Variants in BBS9 observed in about 807,000 individuals in gnomAD.
BBS9 encodes the protein Bardet-Biedl syndrome 9.
Under a neutral mutation model 117.7 loss-of-function variants are expected in BBS9, and 89 were observed. The observed-to-expected ratio is 0.76, with a 90% CI of 0.64 to 0.90. The LOEUF (loss-of-function observed/expected upper bound fraction) is 0.90, where lower values mean the gene tolerates loss of function less well. BBS9 is among the 40% of genes least tolerant of loss of function. The pLI is 0.00. For synonymous variants in BBS9, 379 were observed against 370.9 expected, an observed-to-expected ratio of 1.02 and a Z score of -0.25; for missense variants, 982 against 1,042.2, an observed-to-expected ratio of 0.94 and a Z score of 0.80.
At chr7:33,446,239 T>C (rs1324238569) in intron 19 of BBS9, among the ~76,000 whole-genome samples, 1 of 152,138 alleles carries the variant, frequency 6.6e-6, no homozygotes, top group African/African-American at 2.4e-5. Flanking sequence ...AAAAATTCAG[T>C]CTTTGAGAGC....
chr7:33,587,513 G>A (rs1438602275), intron 21 of BBS9, among the ~76,000 whole-genome samples: 1 of 152,050 alleles, frequency 6.6e-6, no homozygotes, highest in African/African-American at 2.4e-5. Flanking sequence ...TAAAAGCTTG[G>A]TTTGAAAAAG....
chr7:33,269,095 C>G (rs1056709454), intron 7 of BBS9, among the ~76,000 whole-genome samples: 2 of 152,178 alleles, frequency 1.3e-5, no homozygotes, highest in African/African-American at 2.4e-5. Context: ...ACAGATTGAT[C>G]TTATACATAT....
In BBS9 at chr7:33,248,009, T is replaced by C. The variant is rs147664639; in HGVS notation, c.443-9227T>C. ...GTGATAAATAGCTTGACAGAACACC[T>C]AGTAATGGTCTTTGTGAGGCAATTA... On this transcript the variant is annotated intron_variant, in intron 5 of 22. Coordinates refer to ENST00000242067, the MANE Select transcript of BBS9 (RefSeq NM_198428.3). Among the ~76,000 whole-genome samples, 272 of 152,308 alleles carry C rather than the reference T, an allele frequency of 1.8e-3. 1 individual carries two copies. The highest frequency in any genetic ancestry group is 3.5e-3 in the South Asian group (17 of 4,832).
chr7:33,608,876 T>C, downstream of BBS9, among the ~76,000 whole-genome samples: 1 of 125,054 alleles, frequency 8.0e-6, no homozygotes, highest in Non-Finnish European at 1.6e-5. Context: ...GTCCTACTTA[T>C]CAATTTTTGT....
chr7:33,385,255 A>T (rs1054824783), intron 18 of BBS9, among the ~76,000 whole-genome samples: 5 of 152,032 alleles, frequency 3.3e-5, no homozygotes, highest in Non-Finnish European at 2.9e-5. Context: ...CTGAGGAGGG[A>T]CTTAGAGAAT....
rs1439435112 is a variant in BBS9, at chr7:33,365,531, T to C, written c.1694-2236T>C. 2.0e-5 allele frequency among the ~76,000 whole-genome samples: 3 copies of C among 152,190 alleles called. No individual in the cohort carries two copies. The East Asian group carries it at 5.8e-4, about 29-fold the overall frequency. On this transcript the variant is annotated intron_variant, in intron 16 of 22. Coordinates refer to ENST00000242067, the MANE Select transcript of BBS9 (RefSeq NM_198428.3). ...TGGGATCTTTAATGGCAGTGGATGC[T>C]AGGGTACTCCCAATCTCTTTTTCTC...
intron 9 of BBS9, among the ~76,000 whole-genome samples, chr7:33,312,753 GTTC>G (rs545347931): frequency 1.1e-4 from 16 of 152,134 alleles, no homozygotes; most frequent in Middle Eastern, 6.8e-3. Flanking sequence ...AATTATACTT[GTTC>G]TTCTGGGTTC....
intron 5 of BBS9, among the ~76,000 whole-genome samples, chr7:33,191,511 C>A (rs1784113657): frequency 6.6e-6 from 1 of 152,148 alleles, no homozygotes; most frequent in South Asian, 2.1e-4. Flanking sequence ...TGTGGTACTA[C>A]CTTAGAACTG....
intron 4 of BBS9, among the ~76,000 whole-genome samples, chr7:33,169,275 GT>G (rs1231593650): frequency 1.3e-5 from 2 of 150,616 alleles, no homozygotes; most frequent in African/African-American, 4.9e-5. Context: ...AAACATACGT[GT>G]GCATGTGTCT....
At chr7:33,163,847 C>G (rs183649781) in intron 4 of BBS9, among the ~76,000 whole-genome samples, 265 of 152,170 alleles carry the variant, frequency 1.7e-3, no homozygotes, top group African/African-American at 6.1e-3. Flanking sequence ...CTTCTCTGAT[C>G]TTAGTTATTT....
chr7:33,424,678 A>G (rs1467737145), intron 19 of BBS9, among the ~76,000 whole-genome samples: 2 of 152,170 alleles, frequency 1.3e-5, no homozygotes, highest in Non-Finnish European at 2.9e-5. Flanking sequence ...TTTTGTAGGA[A>G]ATTTTAATAT....
chr7:33,230,053 T>C (rs75084189), intron 5 of BBS9, among the ~76,000 whole-genome samples: 7,194 of 152,288 alleles, frequency 0.047, 242 homozygotes, highest in East Asian at 0.17. Context: ...CATTTGTATG[T>C]CTTCTTTGGA....
chr7:33,517,173 C>A (rs114013352), intron 20 of BBS9, among the ~76,000 whole-genome samples: 93 of 152,262 alleles, frequency 6.1e-4, no homozygotes, highest in African/African-American at 2.2e-3. Context: ...ATAAGATATG[C>A]CAAAGGAATA....
At chr7:33,535,168 C>T (rs1399730415) in intron 21 of BBS9, among the ~76,000 whole-genome samples, 1 of 152,144 alleles carries the variant, frequency 6.6e-6, no homozygotes, top group South Asian at 2.1e-4. Flanking sequence ...TTGGATCCTG[C>T]CTCTTTTTAT....
chr7:33,207,536 CTTT>C (rs780030568), intron 5 of BBS9, among the ~76,000 whole-genome samples: 1 of 140,918 alleles, frequency 7.1e-6, no homozygotes, highest in Non-Finnish European at 1.6e-5. Flanking sequence ...GACATGTCTT[CTTT>C]TTTTTTTTTT....
At chr7:33,241,858 G>A (rs928109672) in intron 5 of BBS9, among the ~76,000 whole-genome samples, 6 of 152,020 alleles carry the variant, frequency 3.9e-5, no homozygotes, top group African/African-American at 1.4e-4. Context: ...AACAGAAAGT[G>A]TAATATTTTT....
chr7:33,448,616 A>G (rs767221419), intron 19 of BBS9, among the ~76,000 whole-genome samples: 15 of 152,256 alleles, frequency 9.9e-5, no homozygotes, highest in Non-Finnish European at 1.9e-4. Flanking sequence ...ATTCAGTACC[A>G]TTGAAATGAT....
intron 5 of BBS9, among the ~76,000 whole-genome samples, chr7:33,208,608 G>A (rs1787404682): frequency 6.6e-6 from 1 of 152,116 alleles, no homozygotes; most frequent in African/African-American, 2.4e-5. Context: ...GAAGTTTGTG[G>A]TAGTAGCAGT....
intron 21 of BBS9, among the ~76,000 whole-genome samples, chr7:33,581,854 CA>C (rs1451732803): frequency 6.6e-6 from 1 of 152,080 alleles, no homozygotes; most frequent in Non-Finnish European, 1.5e-5. Context: ...ACACGATTTC[CA>C]GAATAATTTA....
Sources: gnomAD v4.1 joint callset for allele counts (sites outside exome capture counted in the v4.1 genomes callset) on GRCh38, gnomAD v4.1.1 for gene constraint, MANE v1.5 for transcripts, NCBI Gene and HGNC (gene_info 2026-07-23, HGNC 2026-07-21) for gene names.